The following PLCG2 variants were observed in gnomAD, a reference collection of about 807,000 sequenced individuals.
PLCG2 encodes 1-phosphatidylinositol 4,5-bisphosphate phosphodiesterase gamma-2.
Under a neutral mutation model 175.6 loss-of-function variants are expected in PLCG2, and 69 were observed. The ratio of observed to expected loss-of-function variants is 0.39; its 90% CI spans 0.32 to 0.48. PLCG2 has a LOEUF of 0.48. PLCG2 is among the 20% of genes least tolerant of loss of function. The probability of loss-of-function intolerance (pLI) is 0.91; values close to 1 mark genes in which losing one functional copy is unlikely to be tolerated. For synonymous variants in PLCG2, 827 were observed against 624.0 expected (o/e 1.33, Z -4.85); for missense variants, 1,798 against 1,650.9 (o/e 1.09, Z -1.54).
chr16:81,904,835 C>A (rs1354818076), intron 14 of PLCG2, among the ~76,000 whole-genome samples: 1 of 152,122 alleles, frequency 6.6e-6, no homozygotes, highest in South Asian at 2.1e-4. Flanking sequence ...AGGAATAAAG[C>A]AGGCTTGGGG....
At position 81,922,792 on chromosome 16, in the gene PLCG2, C is replaced by T. The variant is rs139424957; in HGVS notation, c.2308-693C>T. Among the ~76,000 whole-genome samples the T allele has an allele frequency of 2.7e-3, 417 of 152,270 alleles. 2 individuals are homozygous for T. The highest frequency in any genetic ancestry group is 9.7e-3 in the African/African-American group (402 of 41,550). The stretch of plus-strand genomic sequence containing the variant: ...GCTTTTCCCACTAACATTTGCTTGC[C>T]GTGTGGGTGTTCATTTATGCCCGCC... On this transcript the variant is annotated intron_variant, in intron 21 of 32. Coordinates refer to ENST00000564138, the MANE Select transcript of PLCG2 (RefSeq NM_002661.5).
intron 14 of PLCG2, among the ~76,000 whole-genome samples, chr16:81,901,341 G>T (rs1342125517): frequency 3.3e-5 from 5 of 152,196 alleles, no homozygotes; most frequent in African/African-American, 1.2e-4. Context: ...GTAACATTTG[G>T]ATTTTTGAAT....
chr16:81,762,322 A>G (rs1216952175), intron 2 of PLCG2, among the ~76,000 whole-genome samples: 2 of 152,108 alleles, frequency 1.3e-5, no homozygotes, highest in East Asian at 3.9e-4. Context: ...TAATCCCAGC[A>G]CTTTGGGAGG....
At chr16:81,789,117 T>TA (rs1429921949) in intron 2 of PLCG2, among the ~76,000 whole-genome samples, 1 of 150,660 alleles carries the variant, frequency 6.6e-6, no homozygotes, top group Non-Finnish European at 1.5e-5. Flanking sequence ...TCCCGGAACT[T>TA]AAAGTAAAAT....
At position 81,758,029 on chromosome 16, in the gene PLCG2, G is replaced by A. The variant is rs149655991; in HGVS notation, c.-48+2063G>A. ...CTCGATCTGTCACCCAGGCTGGAGC[G>A]CAGTGGTGTGATCTCAGCTCTCTGC... On this transcript the variant is annotated intron_variant, in intron 2 of 5. Transcript: ENST00000565054. 4.6e-5 allele frequency among the ~76,000 whole-genome samples: 7 copies of A among 152,304 alleles called. No individual in the cohort carries two copies. In the East Asian group the frequency reaches 7.7e-4, roughly 17 times the overall value.
chr16:81,846,998 A>G (rs2143447527), intron 2 of PLCG2, among the ~76,000 whole-genome samples: 1 of 152,294 alleles, frequency 6.6e-6, no homozygotes, highest in Middle Eastern at 3.4e-3. Flanking sequence ...CTAGAATCAG[A>G]TTCCACAGGT....
At chr16:81,795,637 C>T (rs1214420622) in intron 2 of PLCG2, among the ~76,000 whole-genome samples, 2 of 151,860 alleles carry the variant, frequency 1.3e-5, no homozygotes, top group Non-Finnish European at 2.9e-5. Flanking sequence ...GAGGATGGCT[C>T]AGGAGGTTGG....
At chr16:81,871,786 G>A (rs1907528878) in intron 7 of PLCG2, among the ~76,000 whole-genome samples, 1 of 152,198 alleles carries the variant, frequency 6.6e-6, no homozygotes, top group Admixed American at 6.5e-5. Context: ...CGGGGCCTGA[G>A]AATATATTAT....
At chr16:81,825,080 C>G (rs1309476426) in intron 2 of PLCG2, among the ~76,000 whole-genome samples, 3 of 152,166 alleles carry the variant, frequency 2.0e-5, no homozygotes, top group Non-Finnish European at 1.5e-5. Flanking sequence ...CCAGAAGGAA[C>G]ACAGCCCTGC....
At chr16:81,863,033 G>A (rs1469988925) in intron 5 of PLCG2, among the ~76,000 whole-genome samples, 1 of 152,032 alleles carries the variant, frequency 6.6e-6, no homozygotes, top group African/African-American at 2.4e-5. Context: ...GTTTTATTGT[G>A]GTAACAACAA....
intron 1 of PLCG2, among the ~76,000 whole-genome samples, chr16:81,782,125 C>T (rs1225220388): frequency 2.0e-5 from 3 of 152,110 alleles, no homozygotes; most frequent in Non-Finnish European, 4.4e-5. Context: ...ATCCGCCCAC[C>T]TCGGCCTCCC....
chr16:81,821,466 G>A (rs1370760015), intron 2 of PLCG2, among the ~76,000 whole-genome samples: 1 of 152,028 alleles, frequency 6.6e-6, no homozygotes, highest in Non-Finnish European at 1.5e-5. Context: ...CTTCCTCGAG[G>A]GCTCGAATGC....
intron 2 of PLCG2, among the ~76,000 whole-genome samples, chr16:81,786,754 G>C (rs1232826942): frequency 6.6e-6 from 1 of 152,194 alleles, no homozygotes; most frequent in East Asian, 1.9e-4. Context: ...AAGTTTCTAA[G>C]ACTGTTTTTA....
intron 2 of PLCG2, among the ~76,000 whole-genome samples, chr16:81,814,287 C>G (rs1904442635): frequency 6.6e-6 from 1 of 152,152 alleles, no homozygotes; most frequent in South Asian, 2.1e-4. Flanking sequence ...GGGGACCTGC[C>G]TGTTTTAGCA....
intron 17 of PLCG2, 83 bp from the exon 18 acceptor site, chr16:81,910,437 T>G (rs1909569098): frequency 1.6e-6 from 2 of 1,230,972 alleles, no homozygotes; most frequent in East Asian, 4.7e-5. Context: ...TGGCCACATG[T>G]AATGTCCCCG....
chr16:81,945,555 T>C (rs1911117095), intron 30 of PLCG2, among the ~76,000 whole-genome samples: 1 of 152,236 alleles, frequency 6.6e-6, no homozygotes, highest in African/African-American at 2.4e-5. Context: ...TTGAGATGTG[T>C]TGCCTTAAAC....
intron 7 of PLCG2, 125 bp downstream of exon 7, chr16:81,871,060 T>C (rs1345873387): frequency 1.6e-5 from 9 of 563,740 alleles, no homozygotes; most frequent in Admixed American, 3.6e-5. Context: ...GAAACATAAA[T>C]GAGAATGATG....
chr16:81,825,420 C>G (rs1224365104), intron 2 of PLCG2, among the ~76,000 whole-genome samples: 2 of 151,752 alleles, frequency 1.3e-5, no homozygotes, highest in Admixed American at 6.6e-5. Context: ...TCCCAAGTAG[C>G]TGGGACTACA....
At chr16:81,951,567 T>C (rs796546223) in intron 31 of PLCG2, among the ~76,000 whole-genome samples, 26 of 152,342 alleles carry the variant, frequency 1.7e-4, no homozygotes, top group African/African-American at 5.0e-4. Flanking sequence ...CCTTCTTCTG[T>C]CTTGAAGCTA....
Sources: gnomAD v4.1 joint callset for allele counts (sites outside exome capture counted in the v4.1 genomes callset) on GRCh38, gnomAD v4.1.1 for gene constraint, MANE v1.5 for transcripts, NCBI Gene and HGNC (gene_info 2026-07-23, HGNC 2026-07-21) for gene names.